The following MARK1 variants were observed in gnomAD, a reference collection of about 807,000 sequenced individuals.
The protein encoded by MARK1 is microtubule affinity regulating kinase 1, also known as serine/threonine-protein kinase MARK1.
Under a neutral mutation model 96.3 loss-of-function variants are expected in MARK1, and 40 were observed. The ratio of observed to expected loss-of-function variants is 0.42; its 90% confidence interval spans 0.32 to 0.54. MARK1 has a LOEUF of 0.54. Ranked by LOEUF, MARK1 falls within the 20% of genes least tolerant of loss-of-function variation. MARK1 has a pLI of 0.16. For synonymous variants in MARK1, 317 were observed against 341.2 expected, an observed-to-expected ratio of 0.93 and a Z score of 0.78; for missense variants, 719 against 984.6, an observed-to-expected ratio of 0.73 and a Z score of 3.61.
At chr1:220,604,045 C>T (rs756990058) in intron 5 of MARK1, 22 bp from the exon 6 acceptor site, 2 of 1,535,716 alleles carry the variant, frequency 1.3e-6, no homozygotes, top group East Asian at 2.3e-5. Flanking sequence ...ATTTTACTAC[C>T]TGCTTTACCT....
At chr1:220,604,227 T>C (rs1342431778) in intron 6 of MARK1, 90 bp downstream of exon 6, 2 of 653,628 alleles carry the variant, frequency 3.1e-6, no homozygotes, top group East Asian at 2.9e-5. Context: ...CAGCACATGG[T>C]ATTTTAAAAA....
At chr1:220,638,353 A>T (rs1668087659) in intron 13 of MARK1, among the ~76,000 whole-genome samples, 1 of 152,136 alleles carries the variant, frequency 6.6e-6, no homozygotes, top group African/African-American at 2.4e-5. Context: ...CATTATGAAA[A>T]TTCCATTTCC....
At chr1:220,606,677 T>C (rs949284832) in intron 6 of MARK1, among the ~76,000 whole-genome samples, 1 of 152,216 alleles carries the variant, frequency 6.6e-6, no homozygotes, top group Non-Finnish European at 1.5e-5. Flanking sequence ...TTTAAGTCTT[T>C]AATCCATCTT....
intron 1 of MARK1, among the ~76,000 whole-genome samples, chr1:220,559,278 G>A (rs1204524451): frequency 6.6e-6 from 1 of 152,146 alleles, no homozygotes; most frequent in Non-Finnish European, 1.5e-5. Context: ...TGGTGTTGTG[G>A]AAGCCAAGAG....
chr1:220,650,879 C>G (rs1022823219), intron 14 of MARK1, among the ~76,000 whole-genome samples, 159 bp downstream of exon 14: 1 of 152,106 alleles, frequency 6.6e-6, no homozygotes, highest in Admixed American at 6.5e-5. Flanking sequence ...TTTCCTGTAC[C>G]AGGATAGAAG....
At chr1:220,632,160 TA>T (rs767294874) in intron 10 of MARK1, 40 bp from the exon 11 acceptor site, 3 of 1,024,482 alleles carry the variant, frequency 2.9e-6, no homozygotes, top group South Asian at 4.2e-5. Flanking sequence ...TTTACGAAAA[TA>T]AAACCATTTT....
rs184789460 is a variant in MARK1, at chr1:220,544,489, T to G, written c.51+15616T>G. On this transcript the variant is annotated intron_variant, in intron 1 of 17. Coordinates refer to ENST00000366917, the MANE Select transcript of MARK1 (RefSeq NM_018650.5). The stretch of plus-strand genomic sequence containing the variant: ...CTTCTGCCCTTCTGCCTTTCCACCA[T>G]GGGATGACGCAGGCTGAAGGCCGTC... 1.5e-3 allele frequency among the ~76,000 whole-genome samples: 228 copies of G among 152,306 alleles called. 3 individuals carry two copies. Among genetic ancestry groups the G allele is most frequent in the African/African-American group, 4.7e-3 (197 of 41,560 alleles).
At chr1:220,548,170 G>T (rs549299124) in intron 1 of MARK1, among the ~76,000 whole-genome samples, 2 of 152,340 alleles carry the variant, frequency 1.3e-5, no homozygotes, top group East Asian at 3.9e-4. Flanking sequence ...GTGATGCTAT[G>T]TAGATACAGT....
intron 16 of MARK1, among the ~76,000 whole-genome samples, chr1:220,655,701 G>C (rs1177376465): frequency 1.3e-5 from 2 of 152,118 alleles, no homozygotes; most frequent in Non-Finnish European, 2.9e-5. Context: ...AGGTCTCCTA[G>C]TTTCTGTCCT....
chr1:220,607,114 G>T (rs981801487), intron 6 of MARK1, among the ~76,000 whole-genome samples: 1 of 152,150 alleles, frequency 6.6e-6, no homozygotes, highest in Non-Finnish European at 1.5e-5. Context: ...ACCTTGGGTA[G>T]CATAGCCATT....
chr1:220,644,148 T>G (rs1195133068), intron 13 of MARK1, among the ~76,000 whole-genome samples: 1 of 152,076 alleles, frequency 6.6e-6, no homozygotes, highest in Non-Finnish European at 1.5e-5. Context: ...ACAAGATCCA[T>G]CAGTGTGCTG....
intron 13 of MARK1, among the ~76,000 whole-genome samples, chr1:220,644,454 C>G (rs995971008): frequency 4.3e-4 from 61 of 141,762 alleles, no homozygotes; most frequent in Non-Finnish European, 7.9e-4. Flanking sequence ...CTTAGACCCC[C>G]CCCCCCCCAC....
chr1:220,588,067 A>G (rs1664765261), intron 3 of MARK1, among the ~76,000 whole-genome samples: 1 of 152,190 alleles, frequency 6.6e-6, no homozygotes, highest in Non-Finnish European at 1.5e-5. Flanking sequence ...ACCATGTTTT[A>G]AAATTTTTGC....
intron 1 of MARK1, among the ~76,000 whole-genome samples, chr1:220,534,047 A>C (rs1158117780): frequency 1.3e-5 from 2 of 152,000 alleles, no homozygotes; most frequent in Non-Finnish European, 2.9e-5. Flanking sequence ...CATCAGATAC[A>C]CCCTTTTAAC....
chr1:220,626,196 T>G, intron 9 of MARK1: 2 of 568,392 alleles, frequency 3.5e-6, no homozygotes, highest in Non-Finnish European at 6.8e-6. Context: ...ATTACATCAA[T>G]GACATTGTCT....
intron 1 of MARK1, among the ~76,000 whole-genome samples, chr1:220,540,652 T>C (rs1572046091): frequency 6.6e-6 from 1 of 152,216 alleles, no homozygotes. Context: ...TAGTATCTTA[T>C]ATCGTTTTTA....
intron 6 of MARK1, among the ~76,000 whole-genome samples, chr1:220,613,136 G>A (rs769916222): frequency 3.1e-4 from 47 of 152,194 alleles, no homozygotes; most frequent in Non-Finnish European, 5.3e-4. Flanking sequence ...ATTTATGGAA[G>A]TACAGAATGG....
At chr1:220,619,442 C>G (rs1666936920) in intron 9 of MARK1, among the ~76,000 whole-genome samples, 1 of 152,026 alleles carries the variant, frequency 6.6e-6, no homozygotes, top group South Asian at 2.1e-4. Context: ...CCACTGCACT[C>G]CAGCCTGGGC....
At chr1:220,539,780 T>G (rs1661006043) in intron 1 of MARK1, among the ~76,000 whole-genome samples, 1 of 152,088 alleles carries the variant, frequency 6.6e-6, no homozygotes, top group African/African-American at 2.4e-5. Context: ...CTAGGTTTTT[T>G]TTTTTCCTGA....
Sources: gnomAD v4.1 joint callset for allele counts (sites outside exome capture counted in the v4.1 genomes callset) on GRCh38, gnomAD v4.1.1 for gene constraint, MANE v1.5 for transcripts, NCBI Gene and HGNC (gene_info 2026-07-23, HGNC 2026-07-21) for gene names.